Variants in PTPN11 observed in about 807,000 individuals in gnomAD.
PTPN11 encodes the protein tyrosine-protein phosphatase non-receptor type 11.
A neutral mutation model predicts 78.8 loss-of-function variants in PTPN11; 6 were observed. That is an observed-to-expected ratio of 0.08 (90% confidence interval 0.04 to 0.15). The LOEUF is 0.15. Ranked by LOEUF, PTPN11 falls within the 10% of genes least tolerant of loss-of-function variation. The probability of loss-of-function intolerance (pLI) is 1.00; values close to 1 mark genes in which losing one functional copy is unlikely to be tolerated. For missense variants in PTPN11, 386 were observed against 744.8 expected (o/e 0.52, Z 5.61); for synonymous variants, 221 against 263.5 (o/e 0.84, Z 1.56).
At position 112,508,571 on chromosome 12, in the gene PTPN11, AT is replaced by A. The variant is rs2038964070; in HGVS notation, c.*2781del. 2.0e-5 allele frequency: 3 copies of A among 152,418 alleles called. No individual in the cohort carries two copies. The South Asian group carries it at 6.2e-4, about 32-fold the overall frequency. The allele number at this position is 152,418 out of a possible 1,614,324, so 9.4% of individuals were successfully genotyped here. A position where few individuals can be genotyped will look rare whatever the true frequency, so the allele number is the denominator to read the frequency against. On this transcript the variant is annotated 3_prime_UTR_variant, in exon 16 of 16. Transcript: ENST00000351677. ...ATCTACTTCTAGGTTGCTGGTGGGT[AT>A]TAAATATGCACAATATTCCATAGCT...
chr12:112,445,181 G>C (rs542886013), intron 1 of PTPN11, among the ~76,000 whole-genome samples: 3 of 152,132 alleles, frequency 2.0e-5, no homozygotes, highest in Non-Finnish European at 4.4e-5. Context: ...GCCCAGGCTG[G>C]AGTACAGTGG....
chr12:112,434,173 A>G (rs1311957715), intron 1 of PTPN11, among the ~76,000 whole-genome samples: 1 of 151,832 alleles, frequency 6.6e-6, no homozygotes, highest in Non-Finnish European at 1.5e-5. Flanking sequence ...CCAGCTACTC[A>G]GGAGGCTGAG....
At chr12:112,453,431 T>G (rs1307503479) in intron 4 of PTPN11, 44 bp downstream of exon 4, 3 of 1,558,526 alleles carry the variant, frequency 1.9e-6, no homozygotes, top group South Asian at 1.1e-5. Flanking sequence ...ATGTTACCTT[T>G]GGGTGATTTT....
intron 5 of PTPN11, 104 bp from the exon 6 acceptor site, chr12:112,455,846 C>T (rs933732505): frequency 2.7e-6 from 2 of 744,420 alleles, no homozygotes; most frequent in African/African-American, 1.8e-5. Context: ...TCTGTCCGTG[C>T]CTTTATGAAT....
chr12:112,481,853 G>A (rs929554177), intron 9 of PTPN11, among the ~76,000 whole-genome samples: 4 of 151,888 alleles, frequency 2.6e-5, no homozygotes, highest in African/African-American at 9.7e-5. Context: ...TCAGGTAACT[G>A]CACCAGCTGC....
chr12:112,443,706 G>A (rs1291734304), intron 1 of PTPN11, among the ~76,000 whole-genome samples: 1 of 144,212 alleles, frequency 6.9e-6, no homozygotes, highest in South Asian at 2.2e-4. Context: ...GGCCTGGAGT[G>A]CAGTGGTATG....
At chr12:112,490,959 CA>C (rs1451656510) in intron 13 of PTPN11, among the ~76,000 whole-genome samples, 1 of 151,944 alleles carries the variant, frequency 6.6e-6, no homozygotes, top group Non-Finnish European at 1.5e-5. Context: ...AGCAAAAGAA[CA>C]AAACTCATTC....
At chr12:112,459,044 A>C (rs2038207504) in intron 6 of PTPN11, among the ~76,000 whole-genome samples, 1 of 152,256 alleles carries the variant, frequency 6.6e-6, no homozygotes, top group African/African-American at 2.4e-5. Context: ...AAAAAAAAAA[A>C]AATTGATGAT....
rs987608020 is a variant in PTPN11 at position 112,419,090 on chromosome 12, G to C, written c.-22G>C. ...CCTGAGCAAGGAGCGGGTCCGTCGC[G>C]GAGCCGGAGGGCGGGAGGAACATGA... is the stretch of plus-strand genomic sequence containing the variant. On this transcript the variant is annotated 5_prime_UTR_variant, in exon 1 of 16. Coordinates refer to ENST00000351677, the MANE Select transcript of PTPN11 (RefSeq NM_002834.5). 6.5e-7 allele frequency: 1 copy of C among 1,532,230 alleles called. No homozygotes were observed. The highest frequency in any genetic ancestry group is 8.8e-7 in the Non-Finnish European group (1 of 1,141,928). 94.9% of individuals were successfully genotyped at this position (1,532,230 alleles called of 1,614,324 possible). A position where few individuals can be genotyped will look rare whatever the true frequency, so the allele number is the denominator to read the frequency against.
chr12:112,456,969 T>C (rs2038171575), intron 6 of PTPN11, among the ~76,000 whole-genome samples: 1 of 152,152 alleles, frequency 6.6e-6, no homozygotes, highest in Non-Finnish European at 1.5e-5. Context: ...TTCTGGGATA[T>C]ATGTGCAGAA....
At chr12:112,502,544 C>T (rs1388584797) in intron 14 of PTPN11, among the ~76,000 whole-genome samples, 1 of 152,048 alleles carries the variant, frequency 6.6e-6, no homozygotes, top group Non-Finnish European at 1.5e-5. Flanking sequence ...GTCAGGAGTT[C>T]GAGACCAGCC....
chr12:112,454,202 C>T (rs763238050), intron 4 of PTPN11, among the ~76,000 whole-genome samples: 4 of 152,142 alleles, frequency 2.6e-5, no homozygotes, highest in East Asian at 1.9e-4. Context: ...TCACTGCAAC[C>T]TCTGCCTCTT....
intron 7 of PTPN11, among the ~76,000 whole-genome samples, chr12:112,475,818 G>C (rs1229594885): frequency 6.6e-6 from 1 of 152,140 alleles, no homozygotes; most frequent in Non-Finnish European, 1.5e-5. Flanking sequence ...TATCTACATG[G>C]ATATTGTAAT....
At chr12:112,442,848 A>G (rs2037920929) in intron 1 of PTPN11, among the ~76,000 whole-genome samples, 1 of 68,034 alleles carries the variant, frequency 1.5e-5, no homozygotes, top group Non-Finnish European at 2.6e-5. Flanking sequence ...ATATATATAT[A>G]TATATATATA....
At chr12:112,491,558 A>T (rs1182488894) in intron 13 of PTPN11, among the ~76,000 whole-genome samples, 1 of 152,194 alleles carries the variant, frequency 6.6e-6, no homozygotes, top group Non-Finnish European at 1.5e-5. Flanking sequence ...TACATAACCA[A>T]TGTCACAATT....
rs142606486 is a variant in PTPN11, at chr12:112,489,179, C to T, written c.1599+4C>T. On this transcript the variant is annotated splice_donor_region_variant and intron_variant, in intron 13 of 15. Coordinates refer to ENST00000351677, the MANE Select transcript of PTPN11 (RefSeq NM_002834.5). Reference sequence around the variant, plus strand: ...GCGCAGGATTGAAGAAGAGCAGGTACCAGCCTGAGGGCTGGCATGCGGATT... The same window carrying T: ...GCGCAGGATTGAAGAAGAGCAGGTATCAGCCTGAGGGCTGGCATGCGGATT... The T allele has an allele frequency of 1.2e-6, 2 of 1,614,160 alleles. No homozygotes were observed. Among genetic ancestry groups the T allele is most frequent in the South Asian group, 2.2e-5 (2 of 91,082 alleles).
At chr12:112,477,053 G>C (rs1282714003) in intron 7 of PTPN11, among the ~76,000 whole-genome samples, 1 of 151,296 alleles carries the variant, frequency 6.6e-6, no homozygotes, top group Non-Finnish European at 1.5e-5. Flanking sequence ...TTGAGACTGT[G>C]TCTCACTCTG....
chr12:112,462,079 T>C (rs369504515), intron 6 of PTPN11, among the ~76,000 whole-genome samples: 11 of 152,294 alleles, frequency 7.2e-5, no homozygotes, highest in African/African-American at 2.6e-4. Flanking sequence ...TGTATTCTGC[T>C]GGGCACAGTG....
At chr12:112,494,280 T>C (rs1437580008) in intron 13 of PTPN11, among the ~76,000 whole-genome samples, 1 of 152,244 alleles carries the variant, frequency 6.6e-6, no homozygotes, top group African/African-American at 2.4e-5. Flanking sequence ...CCTGTGCTTT[T>C]GGTATCAAAT....
Sources: gnomAD v4.1 joint callset for allele counts (sites outside exome capture counted in the v4.1 genomes callset) on GRCh38, gnomAD v4.1.1 for gene constraint, MANE v1.5 for transcripts, NCBI Gene and HGNC (gene_info 2026-07-23, HGNC 2026-07-21) for gene names.